The following CDH12 variants were observed in gnomAD, a reference collection of about 807,000 sequenced individuals.
CDH12 encodes the protein cadherin 12.
Under a neutral mutation model 74.1 loss-of-function variants are expected in CDH12, and 41 were observed. The ratio of observed to expected loss-of-function variants is 0.55; its 90% CI spans 0.43 to 0.72. CDH12 has a LOEUF of 0.72. CDH12 is among the 30% of genes least tolerant of loss of function. The probability of loss-of-function intolerance (pLI) is 0.00; values close to 1 mark genes in which losing one functional copy is unlikely to be tolerated. For missense variants in CDH12, 945 were observed against 977.2 expected, an observed-to-expected ratio of 0.97 and a Z score of 0.44; for synonymous variants, 399 against 355.0, an observed-to-expected ratio of 1.12 and a Z score of -1.39.
chr5:22,413,543 T>C (rs1743251688), intron 2 of CDH12, among the ~76,000 whole-genome samples: 1 of 152,014 alleles, frequency 6.6e-6, no homozygotes, highest in African/African-American at 2.4e-5. Flanking sequence ...ATTATATTGC[T>C]TTGAAAAGTG....
chr5:22,850,624 T>C (rs1017574548), intron 1 of CDH12, among the ~76,000 whole-genome samples: 4 of 152,120 alleles, frequency 2.6e-5, no homozygotes, highest in African/African-American at 9.6e-5. Flanking sequence ...AATGATCACA[T>C]GATAATTTCT....
intron 1 of CDH12, among the ~76,000 whole-genome samples, chr5:22,771,180 C>A (rs1301154582): frequency 6.6e-6 from 1 of 152,080 alleles, no homozygotes; most frequent in Non-Finnish European, 1.5e-5. Flanking sequence ...GAAGATAGTT[C>A]TATGACTCAT....
chr5:22,279,499 A>G (rs928700667), intron 3 of CDH12, among the ~76,000 whole-genome samples: 2 of 152,062 alleles, frequency 1.3e-5, no homozygotes, highest in Non-Finnish European at 2.9e-5. Context: ...TACATTAGGT[A>G]TATCTCCTAA....
chr5:22,768,132 A>G (rs957764472), intron 1 of CDH12, among the ~76,000 whole-genome samples: 2 of 152,054 alleles, frequency 1.3e-5, no homozygotes, highest in Non-Finnish European at 2.9e-5. Flanking sequence ...ATTCCTACTC[A>G]CTACAGCTAC....
At chr5:22,205,930 G>A (rs1399068272) in intron 4 of CDH12, among the ~76,000 whole-genome samples, 1 of 151,952 alleles carries the variant, frequency 6.6e-6, no homozygotes, top group East Asian at 1.9e-4. Context: ...ACTATTCTAT[G>A]TCCAAAATGG....
At chr5:22,722,691 C>T (rs1743961648) in intron 1 of CDH12, among the ~76,000 whole-genome samples, 1 of 152,186 alleles carries the variant, frequency 6.6e-6, no homozygotes, top group Non-Finnish European at 1.5e-5. Flanking sequence ...CCTTCAGCTA[C>T]ATCATACATA....
At chr5:21,950,637 T>C (rs536258774) in intron 6 of CDH12, among the ~76,000 whole-genome samples, 1 of 151,510 alleles carries the variant, frequency 6.6e-6, no homozygotes, top group Non-Finnish European at 1.5e-5. Context: ...TAAAATTCTG[T>C]CTATATAAAA....
intron 8 of CDH12, among the ~76,000 whole-genome samples, chr5:21,818,500 T>C (rs1748188658): frequency 6.6e-6 from 1 of 151,976 alleles, no homozygotes; most frequent in South Asian, 2.1e-4. Context: ...TTCATTAGCA[T>C]GGGAAGCAGT....
At chr5:22,009,178 G>A (rs1035809197) in intron 5 of CDH12, among the ~76,000 whole-genome samples, 5 of 152,056 alleles carry the variant, frequency 3.3e-5, no homozygotes, top group African/African-American at 1.2e-4. Context: ...TTACACTCTG[G>A]ATCTACCACC....
intron 4 of CDH12, among the ~76,000 whole-genome samples, chr5:22,191,209 C>G (rs1045654288): frequency 3.3e-5 from 5 of 152,028 alleles, no homozygotes; most frequent in African/African-American, 7.2e-5. Context: ...AACTGCACAT[C>G]CTCAGATCTC....
At chr5:22,558,964 A>C (rs1738923475) in intron 1 of CDH12, among the ~76,000 whole-genome samples, 1 of 152,108 alleles carries the variant, frequency 6.6e-6, no homozygotes, top group African/African-American at 2.4e-5. Flanking sequence ...AAAAGCAAAA[A>C]GATGCCACTG....
chr5:22,491,615 A>AC (rs1169773518), intron 2 of CDH12, among the ~76,000 whole-genome samples: 1 of 25,668 alleles, frequency 3.9e-5, no homozygotes, highest in East Asian at 5.7e-4. Flanking sequence ...ATGAGCAAAA[A>AC]AAAAAACAAA....
intron 10 of CDH12, among the ~76,000 whole-genome samples, chr5:21,798,328 T>C (rs929625204): frequency 2.0e-5 from 3 of 151,968 alleles, no homozygotes; most frequent in Non-Finnish European, 4.4e-5. Context: ...GGAACTTAAC[T>C]GGAAGTGAAT....
At chr5:22,578,323 C>A (rs1739897730) in intron 1 of CDH12, among the ~76,000 whole-genome samples, 1 of 150,870 alleles carries the variant, frequency 6.6e-6, no homozygotes, top group Admixed American at 6.6e-5. Context: ...GCGTCTAAAT[C>A]TGTAATATCT....
At chr5:22,602,187 A>G (rs955244455) in intron 1 of CDH12, among the ~76,000 whole-genome samples, 1 of 152,092 alleles carries the variant, frequency 6.6e-6, no homozygotes, top group African/African-American at 2.4e-5. Context: ...TAAAAGGGCG[A>G]GACTTCTCTC....
intron 4 of CDH12, among the ~76,000 whole-genome samples, chr5:22,144,373 A>C (rs1012338595): frequency 2.6e-5 from 4 of 152,160 alleles, no homozygotes; most frequent in Admixed American, 2.0e-4. Flanking sequence ...AGGATCATTG[A>C]TTTATATTAC....
intron 2 of CDH12, among the ~76,000 whole-genome samples, chr5:22,455,365 T>C (rs1005336977): frequency 6.6e-6 from 1 of 152,218 alleles, no homozygotes. Flanking sequence ...TTTAGATATT[T>C]GTAAACAAGT....
chr5:22,187,997 T>C (rs1394872203), intron 4 of CDH12, among the ~76,000 whole-genome samples: 1 of 152,112 alleles, frequency 6.6e-6, no homozygotes, highest in South Asian at 2.1e-4. Context: ...ATGAGTGTTA[T>C]GCAGATGCCC....
chr5:21,976,984 C>T (rs1394738029), intron 5 of CDH12, among the ~76,000 whole-genome samples: 7 of 151,932 alleles, frequency 4.6e-5, no homozygotes, highest in African/African-American at 1.2e-4. Context: ...AGCTCAAGAG[C>T]GTGCTTTAAG....
Sources: gnomAD v4.1 joint callset for allele counts (sites outside exome capture counted in the v4.1 genomes callset) on GRCh38, gnomAD v4.1.1 for gene constraint, MANE v1.5 for transcripts, NCBI Gene and HGNC (gene_info 2026-07-23, HGNC 2026-07-21) for gene names.